ARHGAP22: variants seen among roughly 807,000 people sequenced by gnomAD.
ARHGAP22 encodes the protein Rho GTPase activating protein 22.
Under a neutral mutation model 59.1 loss-of-function variants are expected in ARHGAP22, and 48 were observed. The observed-to-expected ratio is 0.81, with a 90% CI of 0.64 to 1.03. The LOEUF is 1.03. Among genes scored for constraint, ARHGAP22 ranks in the 50% least tolerant of loss-of-function variants. The pLI, the probability that ARHGAP22 is intolerant of heterozygous loss-of-function variation, is 0.00. For missense variants in ARHGAP22, 1,015 were observed against 958.7 expected (o/e 1.06, Z -0.78); for synonymous variants, 445 against 416.4 (o/e 1.07, Z -0.84).
chr10:48,548,906 G>C (rs2056679824), intron 3 of ARHGAP22, among the ~76,000 whole-genome samples: 1 of 152,230 alleles, frequency 6.6e-6, no homozygotes. Context: ...CTGAGGAAGA[G>C]CAGGGCTCTG....
intron 3 of ARHGAP22, among the ~76,000 whole-genome samples, chr10:48,537,706 G>C (rs984198669): frequency 6.6e-6 from 1 of 152,196 alleles, no homozygotes; most frequent in East Asian, 1.9e-4. Context: ...CGGTCTCTTG[G>C]ATGCCTGCAG....
chr10:48,614,766 G>A (rs2061018303), intron 1 of ARHGAP22, among the ~76,000 whole-genome samples: 1 of 152,188 alleles, frequency 6.6e-6, no homozygotes, highest in Non-Finnish European at 1.5e-5. Flanking sequence ...ATAAGCAAGA[G>A]TCTTGCAAAT....
At chr10:48,626,135 C>A (rs768949709) in intron 1 of ARHGAP22, among the ~76,000 whole-genome samples, 2 of 152,160 alleles carry the variant, frequency 1.3e-5, no homozygotes, top group Non-Finnish European at 2.9e-5. Flanking sequence ...CTATTTGAAG[C>A]CTTGATATTA....
At chr10:48,636,623 C>A (rs2136126637) in intron 1 of ARHGAP22, among the ~76,000 whole-genome samples, 1 of 152,310 alleles carries the variant, frequency 6.6e-6, no homozygotes, top group African/African-American at 2.4e-5. Context: ...GGGGATATAT[C>A]TTTACACGTG....
chr10:48,555,335 C>G, intron 3 of ARHGAP22, 128 bp downstream of exon 3: 1 of 845,546 alleles, frequency 1.2e-6, no homozygotes, highest in South Asian at 1.9e-5. Context: ...GCCCACATTT[C>G]CGAGTCATGC....
chr10:48,507,128 C>T (rs1431055007), intron 3 of ARHGAP22, among the ~76,000 whole-genome samples: 1 of 152,222 alleles, frequency 6.6e-6, no homozygotes. Flanking sequence ...ACTTGCAGAG[C>T]CAGAAAAGCT....
chr10:48,608,381 A>G (rs983996838), upstream of ARHGAP22, among the ~76,000 whole-genome samples: 3 of 152,204 alleles, frequency 2.0e-5, no homozygotes, highest in Non-Finnish European at 4.4e-5. Flanking sequence ...CCTGTGTTCC[A>G]GCACAGGGAG....
At chr10:48,518,871 C>G (rs2053549701) in intron 3 of ARHGAP22, among the ~76,000 whole-genome samples, 1 of 152,146 alleles carries the variant, frequency 6.6e-6, no homozygotes, top group African/African-American at 2.4e-5. Context: ...GGAAATAGAA[C>G]TGGCAGGATG....
At chr10:48,523,765 G>A (rs2134783228) in intron 3 of ARHGAP22, among the ~76,000 whole-genome samples, 1 of 151,874 alleles carries the variant, frequency 6.6e-6, no homozygotes, top group African/African-American at 2.4e-5. Context: ...GCCCTGGAGG[G>A]CGGACCCTCC....
At chr10:48,441,827 T>G (rs1183137455), downstream of ARHGAP22, among the ~76,000 whole-genome samples, 1 of 152,172 alleles carries the variant, frequency 6.6e-6, no homozygotes, top group African/African-American at 2.4e-5. Flanking sequence ...AGGTGAGTTT[T>G]GTCAAGATGG....
intron 3 of ARHGAP22, among the ~76,000 whole-genome samples, chr10:48,505,047 C>T (rs1006424636): frequency 1.0e-4 from 14 of 136,482 alleles, no homozygotes; most frequent in Non-Finnish European, 1.7e-4. Flanking sequence ...CCAGAAACTA[C>T]ATTTTATTAT....
chr10:48,464,872 G>A (rs1026940233), intron 4 of ARHGAP22, among the ~76,000 whole-genome samples: 4 of 152,282 alleles, frequency 2.6e-5, no homozygotes, highest in Admixed American at 2.6e-4. Flanking sequence ...GCTGCAGACT[G>A]GCCCCACATT....
At chr10:48,492,452 T>G (rs1332759159) in intron 3 of ARHGAP22, among the ~76,000 whole-genome samples, 1 of 152,182 alleles carries the variant, frequency 6.6e-6, no homozygotes, top group African/African-American at 2.4e-5. Context: ...CCAACAGAGA[T>G]ATAATGTGAG....
intron 1 of ARHGAP22, among the ~76,000 whole-genome samples, chr10:48,634,959 AG>A (rs1167888187): frequency 2.0e-5 from 3 of 152,162 alleles, no homozygotes. Flanking sequence ...AGGAGAGAGG[AG>A]AAAGAAGCTT....
intron 4 of ARHGAP22, chr10:48,466,544 C>T (rs1444668512): frequency 2.0e-5 from 3 of 148,900 alleles, no homozygotes; most frequent in East Asian, 2.0e-4. Flanking sequence ...TCTGGCGGGC[C>T]CGGGGGCGCC....
chr10:48,559,993 A>C (rs953624512), intron 2 of ARHGAP22, among the ~76,000 whole-genome samples: 4 of 152,180 alleles, frequency 2.6e-5, no homozygotes, highest in African/African-American at 9.6e-5. Flanking sequence ...TGTAGTAGGT[A>C]GAATAATGGC....
intron 8 of ARHGAP22, 75 bp downstream of exon 8, chr10:48,453,229 C>A: frequency 6.2e-7 from 1 of 1,601,096 alleles, no homozygotes; most frequent in Non-Finnish European, 8.5e-7. Flanking sequence ...GGGATGGTTC[C>A]AAGGACTTGC....
At chr10:48,550,892 G>GC (rs1295397007) in intron 3 of ARHGAP22, among the ~76,000 whole-genome samples, 1 of 152,166 alleles carries the variant, frequency 6.6e-6, no homozygotes, top group East Asian at 1.9e-4. Flanking sequence ...CAGAGTGTGT[G>GC]CCACTCTTAG....
intron 4 of ARHGAP22, among the ~76,000 whole-genome samples, chr10:48,467,468 TA>T (rs952793331): frequency 6.6e-6 from 1 of 151,696 alleles, no homozygotes; most frequent in Non-Finnish European, 1.5e-5. Context: ...TTTTTTTTTT[TA>T]GCTTGTACTG....
Sources: gnomAD v4.1 joint callset for allele counts (sites outside exome capture counted in the v4.1 genomes callset) on GRCh38, gnomAD v4.1.1 for gene constraint, MANE v1.5 for transcripts, NCBI Gene and HGNC (gene_info 2026-07-23, HGNC 2026-07-21) for gene names.